SLC13A4: variants seen among roughly 807,000 people sequenced by gnomAD.
The protein encoded by SLC13A4 is Na(+)/sulfate cotransporter SUT-1.
SLC13A4 carries 28 observed loss-of-function variants against 72.7 expected under a neutral mutation model. That is an observed-to-expected ratio of 0.39 (90% CI 0.29 to 0.53). The LOEUF (loss-of-function observed/expected upper bound fraction) is 0.53. SLC13A4 is among the 20% of genes least tolerant of loss of function. The probability of loss-of-function intolerance (pLI) is 0.78; values close to 1 mark genes in which losing one functional copy is unlikely to be tolerated. For missense variants in SLC13A4, 653 were observed against 788.0 expected (o/e 0.83, Z 2.05); for synonymous variants, 312 against 325.5 (o/e 0.96, Z 0.45).
At position 135,695,473 on chromosome 7, in the gene SLC13A4, G is replaced by A. The variant is rs370065094; in HGVS notation, c.914C>T (p.Ala305Val). The change falls in exon 9 of 16, where the codon GCA (alanine) becomes GTA (valine). Residue 305 changes from alanine to valine, a missense_variant. Physicochemically the swap from Ala to Val is moderately conservative, Grantham distance 64 (BLOSUM62 0). Transcript: ENST00000682651. ...CCAGGTGCCAAAGTTCACCACCTCT[G>A]CGGCTGGATACTGGCTGGAGGGTAA... Reference protein sequence around the residue: ...LEHFNNQYPAAEVVNFGTWFL... With the variant: ...LEHFNNQYPAVEVVNFGTWFL... 1.4e-5 allele frequency: 23 copies of A among 1,614,112 alleles called. No individual in the cohort carries two copies. The highest frequency in any genetic ancestry group is 1.9e-5 in the Non-Finnish European group (23 of 1,179,966).
In SLC13A4 at chr7:135,684,223, G is replaced by A. The variant is rs1313601395; in HGVS notation, c.1647C>T (p.Ile549=). The change falls in exon 15 of 16, where the codon ATC becomes ATT. Residue 549 remains isoleucine, a synonymous_variant. Coordinates refer to ENST00000682651, the MANE Select transcript of SLC13A4 (RefSeq NM_001318192.2). ...CAAAGGAGATGCACATGGTGACTGG[G>A]ATCAGGGTGTAGAGGGGGTTAATGT... ...TLHINPLYTL[I]PVTMCISFAV... 3 of 1,612,952 alleles carry A rather than the reference G, an allele frequency of 1.9e-6. No individual in the cohort carries two copies. The highest frequency in any genetic ancestry group is 2.2e-5 in the East Asian group (1 of 44,802).
intron 2 of SLC13A4, among the ~76,000 whole-genome samples, chr7:135,715,189 G>A (rs944054553): frequency 1.3e-5 from 2 of 151,386 alleles, no homozygotes; most frequent in African/African-American, 4.9e-5. Flanking sequence ...GGGTATATAA[G>A]TGTGTATGAG....
intron 2 of SLC13A4, among the ~76,000 whole-genome samples, chr7:135,720,847 CAAAG>C (rs1411785411): frequency 1.3e-5 from 2 of 152,146 alleles, no homozygotes; most frequent in East Asian, 3.9e-4. Context: ...AGGGAGGGCG[CAAAG>C]AAAGAAAGTA....
At chr7:135,710,364 C>G (rs1340477934) in intron 2 of SLC13A4, among the ~76,000 whole-genome samples, 3 of 152,184 alleles carry the variant, frequency 2.0e-5, no homozygotes, top group African/African-American at 7.2e-5. Flanking sequence ...CCACTGCACT[C>G]CAGCCTGGGC....
At chr7:135,700,389 G>C (rs770845316) in intron 7 of SLC13A4, among the ~76,000 whole-genome samples, 3 of 152,158 alleles carry the variant, frequency 2.0e-5, no homozygotes, top group Admixed American at 6.5e-5. Context: ...GACTAGGAAA[G>C]TCCTGGTGCA....
At chr7:135,681,815 G>T in intron 15 of SLC13A4, 115 bp from the exon 16 acceptor site, 1 of 1,402,534 alleles carries the variant, frequency 7.1e-7, no homozygotes, top group Non-Finnish European at 9.6e-7. Context: ...GTTCCCAGTT[G>T]CTGCCTGGGG....
chr7:135,710,294 G>A (rs1003961995), intron 2 of SLC13A4, among the ~76,000 whole-genome samples: 4 of 152,204 alleles, frequency 2.6e-5, no homozygotes, highest in East Asian at 3.9e-4. Flanking sequence ...AAGGCGAAGT[G>A]GGGGATGTAA....
At chr7:135,705,888 GA>G in intron 4 of SLC13A4, 2 of 564,128 alleles carry the variant, frequency 3.5e-6, no homozygotes, top group South Asian at 2.6e-5. Context: ...GCATTTGGGG[GA>G]AAAGAGCCCA....
chr7:135,715,162 AGTATATAT>A (rs1796391426), intron 2 of SLC13A4, among the ~76,000 whole-genome samples: 2 of 147,312 alleles, frequency 1.4e-5, no homozygotes, highest in African/African-American at 5.0e-5. Context: ...AGTGTGTGAG[AGTATATAT>A]GTGTATATGG....
chr7:135,727,272 AT>A, intron 1 of SLC13A4, 125 bp downstream of exon 1: 6 of 1,262,724 alleles, frequency 4.8e-6, no homozygotes, highest in Non-Finnish European at 6.4e-6. Flanking sequence ...AAATCCTTCC[AT>A]TTCTTTAAAC....
Position 135,681,359 on chromosome 7 carries a change from A to C in SLC13A4, c.*204T>G. 2.0e-6 allele frequency: 1 copy of C among 502,314 alleles called. No homozygotes were observed. Among genetic ancestry groups the C allele is most frequent in the Non-Finnish European group, 3.4e-6 (1 of 292,626 alleles). 31.1% of individuals were successfully genotyped at this position (502,314 alleles called of 1,614,324 possible). On this transcript the variant is annotated 3_prime_UTR_variant, in exon 16 of 16. Coordinates refer to ENST00000682651, the MANE Select transcript of SLC13A4 (RefSeq NM_001318192.2). ...GTGGTGCTGAGGGCAGGAAGAAGACACTAACAGCGAAGCATGTGTTTGTGG... is the reference window on the plus strand; with the variant it reads ...GTGGTGCTGAGGGCAGGAAGAAGACCCTAACAGCGAAGCATGTGTTTGTGG...
At chr7:135,724,500 G>GAAA (rs5887740) in intron 1 of SLC13A4, among the ~76,000 whole-genome samples, 163 of 93,760 alleles carry the variant, frequency 1.7e-3, no homozygotes, top group Middle Eastern at 5.5e-3. Flanking sequence ...CTCTGTCTCA[G>GAAA]AAAAAAAAAA....
intron 8 of SLC13A4, among the ~76,000 whole-genome samples, chr7:135,698,898 G>A (rs761528573): frequency 1.3e-5 from 2 of 152,136 alleles, no homozygotes; most frequent in African/African-American, 2.4e-5. Context: ...CTCCCAAAGC[G>A]CTGGGATTAC....
At chr7:135,703,619 TAGCCATC>T (rs1173098882) in intron 5 of SLC13A4, 1 of 152,352 alleles carries the variant, frequency 6.6e-6, no homozygotes, top group Non-Finnish European at 1.5e-5. Flanking sequence ...GATGAGAACT[TAGCCATC>T]AGTGTAACTG....
chr7:135,727,638 C>A lies in SLC13A4; in HGVS notation c.-142G>T, dbSNP rs144663629. Reference sequence around the variant, plus strand: ...GTCCTCCTTCGTCTTGGGGGCAGAACGGGAGGGCAGTTATACCCTCGCTGT... The same window carrying A: ...GTCCTCCTTCGTCTTGGGGGCAGAAAGGGAGGGCAGTTATACCCTCGCTGT... On this transcript the variant is annotated 5_prime_UTR_variant, in exon 1 of 16. Transcript: ENST00000682651. 7.8e-4 allele frequency: 830 copies of A among 1,067,620 alleles called. 5 individuals are homozygous for A. In the African/African-American group the frequency reaches 0.012, roughly 16 times the overall value. The allele number at this position is 1,067,620 out of a possible 1,614,324, so 66.1% of individuals were successfully genotyped here.
chr7:135,717,305 T>G (rs1429270570), intron 2 of SLC13A4, among the ~76,000 whole-genome samples: 1 of 152,202 alleles, frequency 6.6e-6, no homozygotes, highest in African/African-American at 2.4e-5. Flanking sequence ...AAGGAAAAAG[T>G]TAAATTATAT....
intron 2 of SLC13A4, among the ~76,000 whole-genome samples, chr7:135,716,958 C>T (rs558933986): frequency 6.6e-6 from 1 of 152,268 alleles, no homozygotes; most frequent in Non-Finnish European, 1.5e-5. Flanking sequence ...GTCTTTTTCG[C>T]ATGAACTGCT....
intron 3 of SLC13A4, 28 bp downstream of exon 3, chr7:135,708,086 A>G: frequency 1.9e-6 from 3 of 1,606,778 alleles, no homozygotes; most frequent in Non-Finnish European, 2.6e-6. Flanking sequence ...AGGATGCCCT[A>G]TGTCCTGGCA....
chr7:135,710,247 A>G (rs946074063), intron 2 of SLC13A4, among the ~76,000 whole-genome samples: 9 of 152,244 alleles, frequency 5.9e-5, no homozygotes, highest in African/African-American at 2.2e-4. Flanking sequence ...TATTGAATTA[A>G]CAAAAATTGT....
Sources: gnomAD v4.1 joint callset for allele counts (sites outside exome capture counted in the v4.1 genomes callset) on GRCh38, gnomAD v4.1.1 for gene constraint, MANE v1.5 for transcripts, NCBI Gene and HGNC (gene_info 2026-07-23, HGNC 2026-07-21) for gene names.